The following MTA3 variants were observed in gnomAD, a reference collection of about 807,000 sequenced individuals.
MTA3 encodes metastasis associated 1 family member 3.
MTA3 carries 34 observed loss-of-function variants against 83.5 expected under a neutral mutation model. That is an observed-to-expected ratio of 0.41 (90% CI 0.31 to 0.54). The LOEUF is 0.54. MTA3 is among the 20% of genes least tolerant of loss of function. The pLI, the probability that MTA3 is intolerant of heterozygous loss-of-function variation, is 0.33. For missense variants in MTA3, 761 were observed against 726.4 expected (o/e 1.05, Z -0.55); for synonymous variants, 303 against 252.7 (o/e 1.20, Z -1.89).
chr2:42,567,014 G>A (rs1677942958), upstream of MTA3, among the ~76,000 whole-genome samples: 1 of 152,218 alleles, frequency 6.6e-6, no homozygotes, highest in Admixed American at 6.5e-5. Context: ...TCTGGTAAAT[G>A]TTGAATGACA....
intron 16 of MTA3, among the ~76,000 whole-genome samples, chr2:42,748,846 C>A (rs1187224523): frequency 6.6e-6 from 1 of 152,184 alleles, no homozygotes; most frequent in Non-Finnish European, 1.5e-5. Context: ...TTTGTTCTAG[C>A]AAGGAGTTAC....
intron 8 of MTA3, among the ~76,000 whole-genome samples, chr2:42,667,570 TTG>T (rs1553379043): frequency 0.011 from 1,536 of 145,066 alleles, 37 homozygotes; most frequent in East Asian, 0.018. Flanking sequence ...CATTTAAAAA[TTG>T]TGTGTGTGTG....
chr2:42,627,348 C>T (rs1006309608), intron 4 of MTA3, among the ~76,000 whole-genome samples: 7 of 152,104 alleles, frequency 4.6e-5, no homozygotes, highest in African/African-American at 1.7e-4. Context: ...AAACCACTGC[C>T]AGGCCTGAGC....
At chr2:42,498,986 T>C (rs1334638352) in intron 2 of MTA3, among the ~76,000 whole-genome samples, 1 of 152,106 alleles carries the variant, frequency 6.6e-6, no homozygotes, top group Non-Finnish European at 1.5e-5. Flanking sequence ...TCAATAGCAC[T>C]ATGAGGTTAT....
chr2:42,525,197 C>CT (rs1247299600), intron 2 of MTA3, among the ~76,000 whole-genome samples: 3,501 of 62,806 alleles, frequency 0.056, 49 homozygotes, highest in Non-Finnish European at 0.079. Context: ...TCTTCTTCTT[C>CT]TTTTTTTTTT....
chr2:42,636,415 A>C (rs1687198262), intron 4 of MTA3, among the ~76,000 whole-genome samples: 1 of 151,870 alleles, frequency 6.6e-6, no homozygotes, highest in African/African-American at 2.4e-5. Context: ...TGTGGCACAC[A>C]CCTGTAGTCC....
rs563925658 is a variant in MTA3, at chr2:42,697,723, G to T, written c.967-53G>T. 212 of 1,177,054 alleles carry T rather than the reference G, an allele frequency of 1.8e-4. No homozygotes were observed. In the African/African-American group the frequency reaches 3.0e-3, roughly 17 times the overall value. 72.9% of individuals were successfully genotyped at this position (1,177,054 alleles called of 1,614,324 possible). ...TTGTGAATTTTTAAGACAATGAACA[G>T]TAGTAATAATTAGGCATTGCATGTA... On this transcript the variant is annotated intron_variant, in intron 10 of 16. Coordinates refer to ENST00000405094, the MANE Select transcript of MTA3 (RefSeq NM_001330442.2).
chr2:42,605,194 C>T (rs1293114818), intron 3 of MTA3, among the ~76,000 whole-genome samples: 83 of 121,266 alleles, frequency 6.8e-4, no homozygotes, highest in Admixed American at 1.7e-3. Context: ...CCGGACGGGG[C>T]GGCTGGCCGG....
intron 2 of MTA3, among the ~76,000 whole-genome samples, chr2:42,528,176 C>T (rs1298356272): frequency 6.6e-6 from 1 of 152,062 alleles, no homozygotes; most frequent in Non-Finnish European, 1.5e-5. Flanking sequence ...CTGCCCGCCT[C>T]GGCCTCCCTA....
chr2:42,711,100 TA>T (rs140179325), intron 14 of MTA3, among the ~76,000 whole-genome samples: 2,431 of 145,450 alleles, frequency 0.017, 58 homozygotes, highest in African/African-American at 0.056. Context: ...AAATAAAAAT[TA>T]AAAAGTAAAA....
intron 4 of MTA3, among the ~76,000 whole-genome samples, chr2:42,617,338 C>G (rs1023929284): frequency 3.3e-5 from 5 of 152,120 alleles, no homozygotes; most frequent in African/African-American, 1.2e-4. Context: ...AATATACATA[C>G]TGATGTGTTC....
intron 2 of MTA3, among the ~76,000 whole-genome samples, chr2:42,574,716 G>A (rs765013043): frequency 7.9e-5 from 12 of 152,208 alleles, no homozygotes; most frequent in South Asian, 4.1e-4. Flanking sequence ...GTGAACCACT[G>A]CACCCCGCCT....
intron 4 of MTA3, among the ~76,000 whole-genome samples, chr2:42,622,370 C>T (rs907964624): frequency 6.1e-5 from 7 of 115,596 alleles, no homozygotes; most frequent in Admixed American, 1.2e-4. Flanking sequence ...CGTCCAGCTT[C>T]GGCTCGGCAT....
intron 4 of MTA3, among the ~76,000 whole-genome samples, chr2:42,635,511 C>T (rs1362881567): frequency 3.3e-5 from 5 of 151,836 alleles, no homozygotes; most frequent in African/African-American, 4.8e-5. Flanking sequence ...ATCTGTAATC[C>T]CAGCTAGTTG....
intron 3 of MTA3, among the ~76,000 whole-genome samples, chr2:42,588,790 C>G (rs1003978825): frequency 7.8e-6 from 1 of 128,186 alleles, no homozygotes; most frequent in Non-Finnish European, 1.6e-5. Context: ...TGCATGTATA[C>G]ACATGTATGT....
At chr2:42,619,330 A>G (rs1255014709) in intron 4 of MTA3, among the ~76,000 whole-genome samples, 1 of 152,216 alleles carries the variant, frequency 6.6e-6, no homozygotes, top group Non-Finnish European at 1.5e-5. Flanking sequence ...TTGTGAAGAT[A>G]TTCTCAAGTA....
intron 12 of MTA3, among the ~76,000 whole-genome samples, chr2:42,704,745 C>T (rs1431505882): frequency 6.6e-6 from 1 of 152,152 alleles, no homozygotes; most frequent in Non-Finnish European, 1.5e-5. Context: ...GTATATAATC[C>T]TCAGACCATG....
At chr2:42,637,521 C>G (rs1687312679) in intron 4 of MTA3, among the ~76,000 whole-genome samples, 1 of 152,148 alleles carries the variant, frequency 6.6e-6, no homozygotes, top group African/African-American at 2.4e-5. Context: ...CTTTAAATCT[C>G]TTTTTAAACC....
rs900529164 is a variant in MTA3 at position 42,719,057 on chromosome 2, G to A, written c.1595G>A (p.Cys532Tyr). Residue 532 changes from cysteine to tyrosine, a missense_variant, in exon 15 of 17, where the codon TGT becomes TAT. Coordinates refer to ENST00000405094, the MANE Select transcript of MTA3 (RefSeq NM_001330442.2). ...AAAAGCACTAGGAAGCCTTTGGCAT[G>A]TATCATTGGGTATTTAGGTGGGTAT... ...KSKSTRKPLA[C>Y]IIGYLEIHPA... The A allele has an allele frequency of 1.4e-5, 22 of 1,549,440 alleles. No homozygotes were observed. Among genetic ancestry groups the A allele is most frequent in the Non-Finnish European group, 1.8e-5 (21 of 1,146,126 alleles).
Sources: gnomAD v4.1 joint callset for allele counts (sites outside exome capture counted in the v4.1 genomes callset) on GRCh38, gnomAD v4.1.1 for gene constraint, MANE v1.5 for transcripts, NCBI Gene and HGNC (gene_info 2026-07-23, HGNC 2026-07-21) for gene names.